The following CLIC5 variants were observed in gnomAD, a reference collection of about 807,000 sequenced individuals.
CLIC5 encodes CLIC family member 5, also known as chloride intracellular channel protein 5.
A neutral mutation model predicts 24.7 loss-of-function variants in CLIC5; 20 were observed. The ratio of observed to expected loss-of-function variants is 0.81; its 90% CI spans 0.57 to 1.18. The LOEUF (loss-of-function observed/expected upper bound fraction) is 1.18. Among genes scored for constraint, CLIC5 ranks in the 50% most tolerant of loss-of-function variants. The pLI is 0.00. For synonymous variants in CLIC5, 159 were observed against 135.6 expected (o/e 1.17, Z -1.20); for missense variants, 341 against 326.1 (o/e 1.05, Z -0.35).
chr6:45,949,516 A>C, intron 2 of CLIC5, 135 bp from the exon 3 acceptor site: 2 of 943,024 alleles, frequency 2.1e-6, no homozygotes, highest in Non-Finnish European at 3.2e-6. Flanking sequence ...TATGGTATGC[A>C]GTATAGGGCA....
intron 1 of CLIC5, among the ~76,000 whole-genome samples, chr6:46,004,341 C>T (rs1484147049): frequency 1.3e-5 from 2 of 152,174 alleles, no homozygotes; most frequent in Non-Finnish European, 2.9e-5. Context: ...TCCCAGCTTC[C>T]CTTGCACAGA....
chr6:45,912,432 A>T, intron 5 of CLIC5: 1 of 1,166,078 alleles, frequency 8.6e-7, no homozygotes, highest in Non-Finnish European at 1.1e-6. Context: ...GGCTTGGGAG[A>T]TTCATTTGTT....
chr6:45,972,385 C>G (rs1765230757), intron 1 of CLIC5, among the ~76,000 whole-genome samples: 1 of 152,214 alleles, frequency 6.6e-6, no homozygotes, highest in African/African-American at 2.4e-5. Context: ...CATATCCTGT[C>G]TTCTTTGTTA....
intron 4 of CLIC5, among the ~76,000 whole-genome samples, chr6:45,936,227 G>A (rs1051626424): frequency 8.7e-6 from 1 of 115,134 alleles, no homozygotes; most frequent in East Asian, 2.6e-4. Context: ...TTTTTGAGAT[G>A]GAGTTTCACT....
chr6:46,113,346 A>T, the CLIC5 span, among the ~76,000 whole-genome samples: 1 of 152,212 alleles, frequency 6.6e-6, no homozygotes, highest in Non-Finnish European at 1.5e-5. Flanking sequence ...AACAGCTAGA[A>T]GGTGAGTAGA....
At chr6:46,021,865 T>A (rs1767194497) in intron 1 of CLIC5, among the ~76,000 whole-genome samples, 1 of 152,256 alleles carries the variant, frequency 6.6e-6, no homozygotes, top group South Asian at 2.1e-4. Context: ...TTACACACAT[T>A]TCTGTATGTG....
upstream of CLIC5, among the ~76,000 whole-genome samples, chr6:46,082,526 T>C (rs1241003063): frequency 6.6e-6 from 1 of 152,196 alleles, no homozygotes; most frequent in South Asian, 2.1e-4. Context: ...ACCTGTTTTT[T>C]CACCCCTTGC....
At chr6:45,908,452 A>G (rs1581718541) in intron 5 of CLIC5, among the ~76,000 whole-genome samples, 1 of 152,150 alleles carries the variant, frequency 6.6e-6, no homozygotes, top group East Asian at 1.9e-4. Context: ...GCTACATCCT[A>G]GAGATTTTGG....
intron 1 of CLIC5, among the ~76,000 whole-genome samples, chr6:46,013,522 A>G (rs879812795): frequency 6.6e-6 from 1 of 152,186 alleles, no homozygotes; most frequent in Non-Finnish European, 1.5e-5. Flanking sequence ...CTCCCCATCA[A>G]TCTGGTTTTT....
chr6:46,007,201 A>G (rs1766617527), intron 1 of CLIC5, among the ~76,000 whole-genome samples: 1 of 152,220 alleles, frequency 6.6e-6, no homozygotes, highest in African/African-American at 2.4e-5. Flanking sequence ...AACGATTTTA[A>G]TGAACAGCAA....
chr6:45,962,232 AAGAG>A (rs1295521080), intron 1 of CLIC5, among the ~76,000 whole-genome samples: 1 of 150,986 alleles, frequency 6.6e-6, no homozygotes, highest in Non-Finnish European at 1.5e-5. Context: ...TTGGGGTGTG[AAGAG>A]AGAGAGATTT....
At chr6:46,088,926 G>C in the CLIC5 span, among the ~76,000 whole-genome samples, 5 of 152,178 alleles carry the variant, frequency 3.3e-5, no homozygotes, top group African/African-American at 1.2e-4. Flanking sequence ...GCTGTGATAT[G>C]GTGACTTTAC....
chr6:45,975,488 C>T (rs1765354875), intron 1 of CLIC5, among the ~76,000 whole-genome samples: 1 of 152,128 alleles, frequency 6.6e-6, no homozygotes, highest in East Asian at 1.9e-4. Flanking sequence ...CTGTCCAACA[C>T]ATGTATAGAT....
chr6:46,050,006 C>T (rs1407275993), intron 1 of CLIC5, among the ~76,000 whole-genome samples: 1 of 152,188 alleles, frequency 6.6e-6, no homozygotes, highest in Non-Finnish European at 1.5e-5. Flanking sequence ...GGAATGTGTG[C>T]TCTGTGGGAT....
At chr6:46,082,452 A>G (rs139173879), upstream of CLIC5, among the ~76,000 whole-genome samples, 582 of 152,334 alleles carry the variant, frequency 3.8e-3, 5 homozygotes, top group South Asian at 0.017. Flanking sequence ...CATTTATCTT[A>G]GTGAAAGCCA....
At chr6:46,080,383 G>T (rs35067690), upstream of CLIC5, 25,118 of 642,826 alleles carry the variant, frequency 0.039, 645 homozygotes, top group Middle Eastern at 0.052. Flanking sequence ...ATCAATGACA[G>T]GTCTCTAACA....
intron 1 of CLIC5, among the ~76,000 whole-genome samples, chr6:46,072,517 C>T (rs1029280487): frequency 7.9e-5 from 12 of 152,020 alleles, no homozygotes; most frequent in African/African-American, 2.9e-4. Flanking sequence ...ATTAGTAGTG[C>T]ATGCATTGAC....
At chr6:46,050,361 C>G (rs879608569) in intron 1 of CLIC5, among the ~76,000 whole-genome samples, 2 of 152,090 alleles carry the variant, frequency 1.3e-5, no homozygotes, top group Non-Finnish European at 2.9e-5. Flanking sequence ...AAAGGGGAGG[C>G]TTTTATAAGG....
At chr6:46,097,168 T>G in the CLIC5 span, 1 of 152,242 alleles carries the variant, frequency 6.6e-6, no homozygotes, top group Admixed American at 6.5e-5. Context: ...TACTGATGTC[T>G]GTAGTTGACA....
Sources: gnomAD v4.1 joint callset for allele counts (sites outside exome capture counted in the v4.1 genomes callset) on GRCh38, gnomAD v4.1.1 for gene constraint, MANE v1.5 for transcripts, NCBI Gene and HGNC (gene_info 2026-07-23, HGNC 2026-07-21) for gene names.